The following CNTN6 variants were observed in gnomAD, a reference collection of about 807,000 sequenced individuals.
CNTN6 encodes the protein contactin-6.
In CNTN6, 137 loss-of-function variants were observed where a neutral mutation model predicts 122.8. The ratio of observed to expected loss-of-function variants is 1.12; its 90% CI spans 0.97 to 1.29. The LOEUF is 1.29. Ranked by LOEUF, CNTN6 falls within the 50% of genes most tolerant of loss-of-function variation. The probability of loss-of-function intolerance (pLI) is 0.00; values close to 1 mark genes in which losing one functional copy is unlikely to be tolerated. For missense variants in CNTN6, 1,634 were observed against 1,223.4 expected (o/e 1.34, Z -5.01); for synonymous variants, 570 against 426.0 (o/e 1.34, Z -4.16).
At chr3:1,317,687 A>C (rs547677843) in intron 7 of CNTN6, among the ~76,000 whole-genome samples, 1 of 151,798 alleles carries the variant, frequency 6.6e-6, no homozygotes, top group South Asian at 2.1e-4. Flanking sequence ...CCATTCTGCA[A>C]GCAGTCCTGG....
At chr3:1,195,769 T>C (rs1418470703) in intron 2 of CNTN6, among the ~76,000 whole-genome samples, 1 of 152,222 alleles carries the variant, frequency 6.6e-6, no homozygotes, top group Non-Finnish European at 1.5e-5. Flanking sequence ...GTTGACCTCA[T>C]TCATTATGTA....
chr3:1,197,771 C>G (rs1222308305), intron 2 of CNTN6, among the ~76,000 whole-genome samples: 3 of 152,032 alleles, frequency 2.0e-5, no homozygotes, highest in Non-Finnish European at 1.5e-5. Flanking sequence ...ACAGGGACAT[C>G]AAAAGGATTA....
chr3:1,173,229 C>G, intron 2 of CNTN6: 1 of 456,658 alleles, frequency 2.2e-6, no homozygotes, highest in South Asian at 1.5e-5. Context: ...TCCAATTCTG[C>G]TGCTAACTGG....
At chr3:1,304,877 C>T (rs1053835831) in intron 7 of CNTN6, among the ~76,000 whole-genome samples, 1 of 150,846 alleles carries the variant, frequency 6.6e-6, no homozygotes, top group African/African-American at 2.4e-5. Flanking sequence ...ACCTGTAATC[C>T]CAGCTCGGGA....
At chr3:1,330,370 T>A (rs1702121827) in intron 11 of CNTN6, among the ~76,000 whole-genome samples, 1 of 151,756 alleles carries the variant, frequency 6.6e-6, no homozygotes, top group African/African-American at 2.4e-5. Context: ...CATGAAGAAA[T>A]GTAGAGAGGT....
At chr3:1,385,520 T>A (rs3902441) in intron 19 of CNTN6, 91 bp from the exon 20 acceptor site, 443,281 of 980,516 alleles carry the variant, frequency 0.45, 102,652 homozygotes, top group East Asian at 0.62. Flanking sequence ...CTTCCCATAT[T>A]CCTTGTGGTT....
chr3:1,156,045 A>C (rs765873595), intron 2 of CNTN6, among the ~76,000 whole-genome samples: 2 of 152,192 alleles, frequency 1.3e-5, no homozygotes, highest in Admixed American at 1.3e-4. Context: ...AATTAATTCA[A>C]TTCTACCTGT....
intron 20 of CNTN6, among the ~76,000 whole-genome samples, chr3:1,396,232 A>G (rs1025336824): frequency 6.6e-6 from 1 of 152,198 alleles, no homozygotes; most frequent in African/African-American, 2.4e-5. Context: ...CTAAAGTTTA[A>G]CATTCACTTA....
At chr3:1,108,658 G>A (rs72995730) in intron 1 of CNTN6, among the ~76,000 whole-genome samples, 9,828 of 151,992 alleles carry the variant, frequency 0.065, 421 homozygotes, top group Non-Finnish European at 0.089. Flanking sequence ...TATATTTAAG[G>A]CTCTAAGGAG....
intron 7 of CNTN6, among the ~76,000 whole-genome samples, chr3:1,317,170 CA>C (rs140646040): frequency 0.031 from 4,775 of 151,944 alleles, 127 homozygotes; most frequent in South Asian, 0.058. Flanking sequence ...ACTATTGCCG[CA>C]AAATGCATTT....
intron 11 of CNTN6, among the ~76,000 whole-genome samples, chr3:1,350,606 A>G (rs1448185059): frequency 1.3e-5 from 2 of 151,904 alleles, no homozygotes; most frequent in African/African-American, 2.4e-5. Flanking sequence ...TGAAAGGGGT[A>G]GTATACTCAG....
At chr3:1,326,246 A>G (rs1701524212) in intron 9 of CNTN6, among the ~76,000 whole-genome samples, 1 of 151,924 alleles carries the variant, frequency 6.6e-6, no homozygotes, top group Admixed American at 6.6e-5. Context: ...CGACACGGAT[A>G]ACACTTACTG....
At chr3:1,116,644 C>T (rs1431092633) in intron 1 of CNTN6, among the ~76,000 whole-genome samples, 1 of 148,742 alleles carries the variant, frequency 6.7e-6, no homozygotes, top group Non-Finnish European at 1.5e-5. Flanking sequence ...ACAAGAGGGT[C>T]GTATTGTTAC....
chr3:1,197,963 T>C (rs1046999955), intron 2 of CNTN6, among the ~76,000 whole-genome samples: 1 of 152,148 alleles, frequency 6.6e-6, no homozygotes, highest in African/African-American at 2.4e-5. Context: ...AAAAATTACT[T>C]TGACAGTATC....
At position 1,244,992 on chromosome 3, in the gene CNTN6, T is replaced by G. The variant is rs549970096; in HGVS notation, c.358+16999T>G. ...TGGAATGTCATCAGTTAAGGCTGTT[T>G]TTACTTCTTTTGTGGATCTTCAGTT... On this transcript the variant is annotated intron_variant, in intron 4 of 22. Transcript: ENST00000446702. 2.0e-5 allele frequency among the ~76,000 whole-genome samples: 3 copies of G among 149,864 alleles called. No individual in the cohort carries two copies. The South Asian group carries it at 6.4e-4, about 32-fold the overall frequency.
intron 20 of CNTN6, among the ~76,000 whole-genome samples, chr3:1,396,133 AAGGC>A (rs1240231848): frequency 6.6e-6 from 1 of 152,198 alleles, no homozygotes. Context: ...GACTAAGAAA[AAGGC>A]AAGCAAGATC....
At chr3:1,145,944 G>T (rs1000641620) in intron 1 of CNTN6, among the ~76,000 whole-genome samples, 1 of 152,064 alleles carries the variant, frequency 6.6e-6, no homozygotes, top group African/African-American at 2.4e-5. Flanking sequence ...GAAAATTTTG[G>T]TGGTAATATT....
chr3:1,325,942 C>T lies in CNTN6; in HGVS notation c.1074C>T (p.Leu358=), dbSNP rs762579947. Residue 358 remains leucine (L), a synonymous_variant, in exon 9 of 23, where the codon CTC becomes CTT. Coordinates refer to ENST00000446702, the MANE Select transcript of CNTN6 (RefSeq NM_001289080.2). ...WYTWLKNGER[L]NPEERIQIEN... is the part of the protein sequence containing the mutation. ...CATGGTTAAAAAATGGTGAACGACT[C>T]AACCCAGAGGTAAGCAACTATGTTG... 3.1e-6 allele frequency: 5 copies of T among 1,610,716 alleles called. No homozygotes were observed. Among genetic ancestry groups the T allele is most frequent in the Non-Finnish European group, 4.2e-6 (5 of 1,178,178 alleles).
chr3:1,317,461 G>T (rs539322796), intron 7 of CNTN6, among the ~76,000 whole-genome samples: 2 of 151,744 alleles, frequency 1.3e-5, no homozygotes, highest in African/African-American at 4.8e-5. Context: ...TAACTGAAAC[G>T]TTCAAAAAGG....
Sources: allele counts gnomAD v4.1 joint callset (sites outside exome capture counted in the v4.1 genomes callset), GRCh38; gene constraint gnomAD v4.1.1; transcripts MANE v1.5; gene names NCBI Gene and HGNC (gene_info 2026-07-23, HGNC 2026-07-21).